Variants in GPHN observed in about 807,000 individuals in gnomAD.
GPHN encodes gephyrin.
In GPHN, 17 loss-of-function variants were observed where a neutral mutation model predicts 95.5. The ratio of observed to expected loss-of-function variants is 0.18; its 90% CI spans 0.12 to 0.27. The LOEUF (loss-of-function observed/expected upper bound fraction) is 0.27. Among genes scored for constraint, GPHN ranks in the 10% least tolerant of loss-of-function variants. The pLI is 1.00. For missense variants in GPHN, 660 were observed against 978.1 expected (o/e 0.67, Z 4.34); for synonymous variants, 320 against 322.5 (o/e 0.99, Z 0.08).
intron 8 of GPHN, among the ~76,000 whole-genome samples, chr14:66,933,888 C>A (rs545439147): frequency 2.0e-5 from 3 of 151,996 alleles, no homozygotes; most frequent in Non-Finnish European, 4.4e-5. Context: ...CCTGTAATAC[C>A]AGCACTTTGG....
At chr14:67,493,984 C>G in the GPHN span, among the ~76,000 whole-genome samples, 2 of 152,060 alleles carry the variant, frequency 1.3e-5, no homozygotes, top group African/African-American at 2.4e-5. Context: ...CCAATCGGTA[C>G]TGTTCCTTTC....
At chr14:67,586,912 C>G in the GPHN span, 1 of 1,537,072 alleles carries the variant, frequency 6.5e-7, no homozygotes, top group Non-Finnish European at 8.7e-7. Flanking sequence ...GGCCTCTGAA[C>G]AGCACAGTTA....
At chr14:67,423,829 G>A in the GPHN span, among the ~76,000 whole-genome samples, 1 of 152,206 alleles carries the variant, frequency 6.6e-6, no homozygotes, top group African/African-American at 2.4e-5. Context: ...TGGGGTGGGT[G>A]TTACTGATGG....
chr14:66,569,873 A>G (rs1246734676), intron 1 of GPHN, among the ~76,000 whole-genome samples: 2 of 152,130 alleles, frequency 1.3e-5, no homozygotes, highest in South Asian at 2.1e-4. Flanking sequence ...ACCATGATAT[A>G]TAATAGATCT....
chr14:66,518,361 A>C (rs947132796), intron 1 of GPHN, among the ~76,000 whole-genome samples: 1 of 152,148 alleles, frequency 6.6e-6, no homozygotes. Flanking sequence ...GGATGTAGAG[A>C]AAAGGGACCT....
the GPHN span, among the ~76,000 whole-genome samples, chr14:67,723,275 C>T: frequency 2.0e-5 from 3 of 152,112 alleles, no homozygotes; most frequent in Non-Finnish European, 4.4e-5. Context: ...CTCTGTCACC[C>T]CAGGGTGGAG....
the GPHN span, among the ~76,000 whole-genome samples, chr14:67,520,809 C>T: frequency 1.3e-5 from 2 of 152,208 alleles, no homozygotes. Flanking sequence ...CATAAATTTC[C>T]AACTCCTTTG....
At chr14:66,739,614 C>T (rs772592883) in intron 2 of GPHN, among the ~76,000 whole-genome samples, 26 of 150,520 alleles carry the variant, frequency 1.7e-4, no homozygotes, top group African/African-American at 2.9e-4. Context: ...ATGGATAGTG[C>T]GTTCGGACAA....
At chr14:66,980,843 G>C (rs908696433) in intron 9 of GPHN, among the ~76,000 whole-genome samples, 1 of 152,178 alleles carries the variant, frequency 6.6e-6, no homozygotes, top group African/African-American at 2.4e-5. Flanking sequence ...CTGAGGTCGG[G>C]AGTTTGAGAC....
chr14:67,210,165 G>A, the GPHN span, among the ~76,000 whole-genome samples: 1,126 of 152,278 alleles, frequency 7.4e-3, 13 homozygotes, highest in African/African-American at 0.026. Context: ...TGAATGTAGC[G>A]TTTCATATGG....
At chr14:66,895,692 G>A (rs920474197) in intron 5 of GPHN, among the ~76,000 whole-genome samples, 1 of 152,072 alleles carries the variant, frequency 6.6e-6, no homozygotes, top group Non-Finnish European at 1.5e-5. Flanking sequence ...GGGGGAGGAT[G>A]AAATGTCATT....
intron 11 of GPHN, among the ~76,000 whole-genome samples, chr14:67,068,378 A>G (rs967486516): frequency 6.6e-6 from 1 of 152,256 alleles, no homozygotes; most frequent in Non-Finnish European, 1.5e-5. Flanking sequence ...AGGAACAAGT[A>G]TTCCACTGAT....
chr14:67,288,905 G>A, the GPHN span, among the ~76,000 whole-genome samples: 3 of 150,598 alleles, frequency 2.0e-5, no homozygotes, highest in Admixed American at 6.6e-5. Flanking sequence ...ACTGATGAAC[G>A]CACATATATG....
At chr14:67,722,982 A>G in the GPHN span, among the ~76,000 whole-genome samples, 1 of 152,174 alleles carries the variant, frequency 6.6e-6, no homozygotes, top group Non-Finnish European at 1.5e-5. Flanking sequence ...TGACTCTGTC[A>G]AGTAGCTCAA....
chr14:67,045,175 C>T (rs1275072278), intron 10 of GPHN, among the ~76,000 whole-genome samples: 1 of 152,204 alleles, frequency 6.6e-6, no homozygotes, highest in Non-Finnish European at 1.5e-5. Flanking sequence ...ATCTGTATTT[C>T]CCCGTGTCCT....
intron 8 of GPHN, among the ~76,000 whole-genome samples, chr14:66,944,379 A>T (rs908568928): frequency 9.2e-5 from 14 of 152,356 alleles, no homozygotes; most frequent in Admixed American, 2.0e-4. Flanking sequence ...ACATTGCCAC[A>T]TGGTTACAGG....
At chr14:67,483,403 A>T in the GPHN span, among the ~76,000 whole-genome samples, 2 of 152,204 alleles carry the variant, frequency 1.3e-5, no homozygotes, top group Non-Finnish European at 2.9e-5. Flanking sequence ...AGCACACTGC[A>T]CTGCCCCCGA....
chr14:67,192,869 GATAT>G, the GPHN span, among the ~76,000 whole-genome samples: 1 of 141,312 alleles, frequency 7.1e-6, no homozygotes, highest in Non-Finnish European at 1.5e-5. Context: ...GATATATATA[GATAT>G]ATAGATATAT....
chr14:67,366,791 A>G, the GPHN span, among the ~76,000 whole-genome samples: 2 of 151,354 alleles, frequency 1.3e-5, no homozygotes, highest in Non-Finnish European at 2.9e-5. Context: ...AAGCAGCCAA[A>G]AGCAGGCCAA....
Sources: allele counts gnomAD v4.1 joint callset (sites outside exome capture counted in the v4.1 genomes callset), GRCh38; gene constraint gnomAD v4.1.1; transcripts MANE v1.5; gene names NCBI Gene and HGNC (gene_info 2026-07-23, HGNC 2026-07-21).